Variants in IGF2R observed in about 807,000 individuals in gnomAD.
The protein encoded by IGF2R is cation-independent mannose-6-phosphate receptor.
Under a neutral mutation model 270.6 loss-of-function variants are expected in IGF2R, and 91 were observed. The observed-to-expected ratio is 0.34, with a 90% confidence interval of 0.28 to 0.40. The LOEUF is 0.40. Among genes scored for constraint, IGF2R ranks in the 10% least tolerant of loss-of-function variants. The probability of loss-of-function intolerance (pLI) is 1.00; values close to 1 mark genes in which losing one functional copy is unlikely to be tolerated. For missense variants in IGF2R, 2,805 were observed against 3,188.3 expected (o/e 0.88, Z 2.90); for synonymous variants, 1,316 against 1,258.9 (o/e 1.05, Z -0.96).
rs777177676 is a variant in IGF2R, at chr6:160,058,914, C to T, written c.2907C>T (p.Val969=). Reference sequence around the variant, plus strand: ...TACCGTCTGACCTGCAGTTTAATGTCTGCGGCACAATGCCTGTCTGTGGGA... The same window carrying T: ...TACCGTCTGACCTGCAGTTTAATGTTTGCGGCACAATGCCTGTCTGTGGGA... ...SGIGKIFMFN[V]CGTMPVCGTI... The change falls in exon 22 of 48, where the codon GTC becomes GTT. Residue 969 remains valine, a synonymous_variant. Coordinates refer to ENST00000356956, the MANE Select transcript of IGF2R (RefSeq NM_000876.4). The T allele has an allele frequency of 9.3e-6, 15 of 1,614,018 alleles. No individual in the cohort carries two copies. Among genetic ancestry groups the T allele is most frequent in the South Asian group, 2.2e-5 (2 of 91,088 alleles).
Position 160,105,171 on chromosome 6 carries a change from T to A in IGF2R, c.*87T>A. 1 of 1,233,350 alleles carries A rather than the reference T, an allele frequency of 8.1e-7. No homozygotes were observed. Among genetic ancestry groups the A allele is most frequent in the Non-Finnish European group, 1.1e-6 (1 of 901,974 alleles). The allele number at this position is 1,233,350 out of a possible 1,614,324, so 76.4% of individuals were successfully genotyped here. A position where few individuals can be genotyped will look rare whatever the true frequency, so the allele number is the denominator to read the frequency against. ...AGACTTCCACTCGATGATGCTTCTA[T>A]AATTTTGCCTTTAACAGAAACTTTC... On this transcript the variant is annotated 3_prime_UTR_variant, in exon 48 of 48. Coordinates refer to ENST00000356956, the MANE Select transcript of IGF2R (RefSeq NM_000876.4).
intron 31 of IGF2R, among the ~76,000 whole-genome samples, chr6:160,070,759 G>A (rs976554556): frequency 6.6e-6 from 1 of 152,230 alleles, no homozygotes; most frequent in African/African-American, 2.4e-5. Context: ...AGCTCGCTGG[G>A]TGTCAGGGTG....
chr6:160,090,133 A>G (rs373872990), intron 44 of IGF2R, 30 bp downstream of exon 44: 2 of 1,418,450 alleles, frequency 1.4e-6, no homozygotes, highest in Non-Finnish European at 1.9e-6. Flanking sequence ...AAAGTTCCAC[A>G]TTTAACTTCC....
chr6:160,023,889 T>C (rs1777493028), intron 4 of IGF2R, among the ~76,000 whole-genome samples: 2 of 151,962 alleles, frequency 1.3e-5, no homozygotes, highest in African/African-American at 2.4e-5. Flanking sequence ...GAGAGTCAGT[T>C]AGAGGGAAGG....
At position 160,026,965 on chromosome 6, in the gene IGF2R, C is replaced by T. The variant is rs80325502; in HGVS notation, c.647-220C>T. On this transcript the variant is annotated intron_variant, in intron 5 of 47. Transcript: ENST00000356956. The stretch of plus-strand genomic sequence containing the variant: ...TACAAATAACATCATAACCTGTTTC[C>T]TGTGCACCTCTTATATACCAGTGCA... Among the ~76,000 whole-genome samples the T allele has an allele frequency of 3.5e-3, 531 of 152,280 alleles. 3 individuals carry two copies. The highest frequency in any genetic ancestry group is 0.012 in the African/African-American group (508 of 41,558).
At position 160,108,687 on chromosome 6, in the gene IGF2R, TTCTC is replaced by T. The variant is rs1206108201; in HGVS notation, c.*3607_*3610del. 1 of 152,224 alleles carries T rather than the reference TTCTC, an allele frequency of 6.6e-6. No homozygotes were observed. The highest frequency in any genetic ancestry group is 1.5e-5 in the Non-Finnish European group (1 of 68,094). 9.4% of individuals were successfully genotyped at this position (152,224 alleles called of 1,614,324 possible). A position where few individuals can be genotyped will look rare whatever the true frequency, so the allele number is the denominator to read the frequency against. On this transcript the variant is annotated 3_prime_UTR_variant, in exon 48 of 48. Transcript: ENST00000356956. ...TCCTTTTCTCTCTCTCTCTTTTTCT[TTCTC>T]TCTTTCTTTCGAGATGGAGTCTCGC...
rs368682379 is a variant in IGF2R at position 160,104,920 on chromosome 6, G to A, written c.7312G>A (p.Ala2438Thr). 37 of 1,614,156 alleles carry A rather than the reference G, an allele frequency of 2.3e-5. No individual in the cohort carries two copies. The highest frequency in any genetic ancestry group is 2.0e-4 in the South Asian group (18 of 91,078). ...AGAGAGCTCCCACCCAGTGAGAAAC[G>A]CACAGAGCAATGCCCTTCAGGAGCG... ...GAESSHPVRN[A>T]QSNALQERED... Residue 2438 changes from alanine to threonine, a missense_variant, in exon 48 of 48, where the codon GCA becomes ACA. This residue lies in a region of IGF2R where 1,851 missense variants were observed against 2,207.2 expected (regional missense o/e 0.84). Coordinates refer to ENST00000356956, the MANE Select transcript of IGF2R (RefSeq NM_000876.4).
Position 160,103,790 on chromosome 6 carries a change from C to G in IGF2R, c.7040C>G (p.Ser2347Cys), listed in dbSNP as rs2114745424. Residue 2347 changes from serine to cysteine, a missense_variant, in exon 47 of 48, where the codon TCC (serine) becomes TGC (cysteine). Physicochemically the swap from Ser to Cys is moderately radical, Grantham distance 112. Around this residue, in one of 2 missense-constraint regions of IGF2R, gnomAD observed 1,851 missense variants for 2,207.2 expected, o/e 0.84. Coordinates refer to ENST00000356956, the MANE Select transcript of IGF2R (RefSeq NM_000876.4). ...CTGACCACTTGCTGTAGGAGAAGTT[C>G]CAACGTGTCCTACAAATACTCAAAG... Reference protein sequence around the residue: ...SKLTTCCRRSSNVSYKYSKVN... With the variant: ...SKLTTCCRRSCNVSYKYSKVN... The G allele has an allele frequency of 1.2e-6, 2 of 1,611,420 alleles. No individual in the cohort carries two copies. Among genetic ancestry groups the G allele is most frequent in the South Asian group, 2.2e-5 (2 of 91,012 alleles).
intron 39 of IGF2R, among the ~76,000 whole-genome samples, chr6:160,083,521 C>T (rs1779030825): frequency 6.6e-6 from 1 of 152,232 alleles, no homozygotes; most frequent in African/African-American, 2.4e-5. Flanking sequence ...ACAGTCAGGT[C>T]TTTCTCATCC....
At chr6:159,997,540 C>G (rs147314750) in intron 2 of IGF2R, among the ~76,000 whole-genome samples, 2 of 152,292 alleles carry the variant, frequency 1.3e-5, no homozygotes, top group East Asian at 1.9e-4. Flanking sequence ...TCCCACAGTT[C>G]GGGTACCAGC....
Position 160,023,516 on chromosome 6 carries a change from T to A in IGF2R, c.514-1056T>A, listed in dbSNP as rs141327312. ...ACTTATGCCAACCTGCCAGGAGCTG[T>A]ACCCCAAGCTTCACATACATTAGTT... On this transcript the variant is annotated intron_variant, in intron 4 of 47. Transcript: ENST00000356956. Among the ~76,000 whole-genome samples the A allele has an allele frequency of 1.8e-4, 27 of 152,276 alleles. No homozygotes were observed. In the East Asian group the frequency reaches 3.9e-3, roughly 22 times the overall value.
chr6:160,104,616 G>T (rs1313025876), intron 47 of IGF2R, 58 bp from the exon 48 acceptor site: 1 of 1,545,128 alleles, frequency 6.5e-7, no homozygotes, highest in Non-Finnish European at 8.8e-7. Flanking sequence ...GGTGGATGGT[G>T]GAGCAGAATG....
intron 28 of IGF2R, 117 bp from the exon 29 acceptor site, chr6:160,064,687 G>C (rs1778523276): frequency 1.8e-6 from 2 of 1,091,612 alleles, no homozygotes; most frequent in Non-Finnish European, 2.7e-6. Flanking sequence ...ACTTTCATCA[G>C]TTAGTATTGA....
chr6:160,065,018 C>A lies in IGF2R; in HGVS notation c.4115+117C>A, dbSNP rs755825146. On this transcript the variant is annotated intron_variant, in intron 29 of 47. Transcript: ENST00000356956. ...TTAGTCAGTTAATTTACCTAGGACT[C>A]GGTTTGCTCATATTAAAATGAGGAG... is the stretch of plus-strand genomic sequence containing the variant. 4.3e-6 allele frequency: 3 copies of A among 692,346 alleles called. No homozygotes were observed. In the East Asian group the frequency reaches 8.1e-5, roughly 19 times the overall value. The allele number at this position is 692,346 out of a possible 1,614,324, so 42.9% of individuals were successfully genotyped here. A position where few individuals can be genotyped will look rare whatever the true frequency, so the allele number is the denominator to read the frequency against.
chr6:160,085,595 G>A (rs1278252138), intron 41 of IGF2R, among the ~76,000 whole-genome samples: 1 of 152,226 alleles, frequency 6.6e-6, no homozygotes, highest in Non-Finnish European at 1.5e-5. Context: ...GTTGCTGAGT[G>A]AAAGTTGTTT....
At chr6:160,045,652 C>T (rs995621648) in intron 13 of IGF2R, 93 bp from the exon 14 acceptor site, 1 of 1,482,626 alleles carries the variant, frequency 6.7e-7, no homozygotes, top group East Asian at 2.3e-5. Flanking sequence ...TTCCCACTGT[C>T]CCTTCCAAGT....
In IGF2R at chr6:160,108,183, C is replaced by T. The variant is rs1010788359; in HGVS notation, c.*3099C>T. The T allele has an allele frequency of 2.6e-5, 4 of 152,300 alleles. No homozygotes were observed. The highest frequency in any genetic ancestry group is 9.6e-5 in the African/African-American group (4 of 41,460). 9.4% of individuals were successfully genotyped at this position (152,300 alleles called of 1,614,324 possible). A position where few individuals can be genotyped will look rare whatever the true frequency, so the allele number is the denominator to read the frequency against. On this transcript the variant is annotated 3_prime_UTR_variant, in exon 48 of 48. Coordinates refer to ENST00000356956, the MANE Select transcript of IGF2R (RefSeq NM_000876.4). Reference sequence around the variant, plus strand: ...GTCCTTTCTTACTTCTCCGGTTCCACTCTGTTGACTAGTAGTTGGCCTCTT... The same window carrying T: ...GTCCTTTCTTACTTCTCCGGTTCCATTCTGTTGACTAGTAGTTGGCCTCTT...
chr6:160,072,815 G>C lies in IGF2R; in HGVS notation c.4621G>C (p.Ala1541Pro). ...SLSGRAGFTA[A>P]YSEKGLVYMS... ...AAGTGGCAGGGCGGGATTCACAGCT[G>C]CTTACAGCGAGAAGGGGTTGGTTTA... Residue 1541 changes from alanine to proline, a missense_variant, in exon 33 of 48, where the codon GCT becomes CCT. By Grantham distance (27) the Ala-to-Pro change is conservative. This residue lies in a region of IGF2R where 1,851 missense variants were observed against 2,207.2 expected (regional missense o/e 0.84). Transcript: ENST00000356956. The C allele has an allele frequency of 6.2e-7, 1 of 1,614,190 alleles. No homozygotes were observed. The highest frequency in any genetic ancestry group is 8.5e-7 in the Non-Finnish European group (1 of 1,180,020).
chr6:160,027,426 C>A, intron 6 of IGF2R, 112 bp downstream of exon 6: 1 of 1,205,382 alleles, frequency 8.3e-7, no homozygotes, highest in Non-Finnish European at 1.1e-6. Flanking sequence ...GTCCCTGCAG[C>A]ATTGCTGCTT....
Sources: allele counts gnomAD v4.1 joint callset (sites outside exome capture counted in the v4.1 genomes callset), GRCh38; gene constraint gnomAD v4.1.1; regional missense constraint gnomAD v4.1.1; transcripts MANE v1.5; gene names NCBI Gene and HGNC (gene_info 2026-07-23, HGNC 2026-07-21).